The following OSBPL10 variants were observed in gnomAD, a reference collection of about 807,000 sequenced individuals.
OSBPL10 encodes the protein oxysterol-binding protein-related protein 10.
In OSBPL10, 49 loss-of-function variants were observed where a neutral mutation model predicts 81.7. That is an observed-to-expected ratio of 0.60 (90% CI 0.48 to 0.76). OSBPL10 has a LOEUF of 0.76. Among genes scored for constraint, OSBPL10 ranks in the 30% least tolerant of loss-of-function variants. OSBPL10 has a pLI of 0.00. For missense variants in OSBPL10, 923 were observed against 987.8 expected (o/e 0.93, Z 0.88); for synonymous variants, 419 against 383.6 (o/e 1.09, Z -1.08).
chr3:31,806,186 A>C (rs1471676218), intron 4 of OSBPL10, among the ~76,000 whole-genome samples: 1 of 152,134 alleles, frequency 6.6e-6, no homozygotes, highest in Admixed American at 6.5e-5. Context: ...GCAGGGAAGG[A>C]GGACCCGAGA....
At chr3:31,723,472 A>G (rs897604614) in intron 6 of OSBPL10, among the ~76,000 whole-genome samples, 1 of 152,050 alleles carries the variant, frequency 6.6e-6, no homozygotes, top group African/African-American at 2.4e-5. Flanking sequence ...TCCTACATCC[A>G]TAAGATCTGA....
chr3:31,749,361 T>A (rs539399746), intron 4 of OSBPL10, among the ~76,000 whole-genome samples: 1 of 152,224 alleles, frequency 6.6e-6, no homozygotes, highest in African/African-American at 2.4e-5. Context: ...TCCACAGATG[T>A]GGTTTGAGCG....
At chr3:32,040,395 A>G (rs1020304234) in intron 2 of OSBPL10, among the ~76,000 whole-genome samples, 7 of 152,130 alleles carry the variant, frequency 4.6e-5, no homozygotes, top group African/African-American at 1.7e-4. Flanking sequence ...CGACAGAGCA[A>G]GACCCCATCT....
chr3:31,924,577 T>G (rs537320074), intron 1 of OSBPL10, among the ~76,000 whole-genome samples: 1 of 152,300 alleles, frequency 6.6e-6, no homozygotes, highest in Non-Finnish European at 1.5e-5. Flanking sequence ...ATCAGCATAA[T>G]TTGGTCCATT....
chr3:31,981,113 G>T lies in OSBPL10; in HGVS notation c.67C>A (p.Arg23Ser). Residue 23 changes from arginine to serine, a missense_variant, in exon 1 of 12, where the codon CGT becomes AGT. Arg to Ser is a moderately radical substitution (Grantham distance 110, BLOSUM62 -1). This residue lies in a region of OSBPL10 where 514 missense variants were observed against 508.0 expected (regional missense o/e 1.01). Transcript: ENST00000396556. This position sits in a 1 kb window ranked among gnomAD's most constrained non-coding sequence, Gnocchi z 4.5. ...GSNSSSRSSS[R>S]ATSAGSSPSC... ...GGCGAGGAGCCCGCCGAGGTAGCAC[G>T]GCTGCTGCTGCGGCTGCTGCTGTTG... The T allele has an allele frequency of 6.7e-7, 1 of 1,493,236 alleles. No individual in the cohort carries two copies. Among genetic ancestry groups the T allele is most frequent in the African/African-American group, 1.5e-5 (1 of 68,458 alleles). 92.5% of individuals were successfully genotyped at this position (1,493,236 alleles called of 1,614,324 possible).
At chr3:31,733,118 G>T (rs1410070370) in intron 6 of OSBPL10, 139 bp downstream of exon 6, 2 of 1,200,188 alleles carry the variant, frequency 1.7e-6, no homozygotes, top group Non-Finnish European at 2.3e-6. Flanking sequence ...AGCTGATTTT[G>T]TCTCTCCAGG....
At chr3:31,755,456 G>C (rs1380961387) in intron 4 of OSBPL10, among the ~76,000 whole-genome samples, 1 of 152,290 alleles carries the variant, frequency 6.6e-6, no homozygotes. Flanking sequence ...TGGCAGAAGA[G>C]ATGCATTCAT....
chr3:31,732,061 A>G (rs1474112421), intron 6 of OSBPL10, among the ~76,000 whole-genome samples: 1 of 152,218 alleles, frequency 6.6e-6, no homozygotes, highest in African/African-American at 2.4e-5. Context: ...AAGGATCTAA[A>G]AAATGATTAC....
At position 31,671,125 on chromosome 3, in the gene OSBPL10, C is replaced by T. The variant is rs572080178; in HGVS notation, c.1727-142G>A. 216 of 782,676 alleles carry T rather than the reference C, an allele frequency of 2.8e-4. 2 individuals carry two copies. The South Asian group carries it at 3.5e-3, about 13-fold the overall frequency. The allele number at this position is 782,676 out of a possible 1,614,324, so 48.5% of individuals were successfully genotyped here. A position where few individuals can be genotyped will look rare whatever the true frequency, so the allele number is the denominator to read the frequency against. On this transcript the variant is annotated intron_variant, in intron 8 of 11. Coordinates refer to ENST00000396556, the MANE Select transcript of OSBPL10 (RefSeq NM_017784.5). Reference sequence around the variant, plus strand: ...CCTCTGCAGAGGTGAGCTGCTCGTTCACTGTGGGCTCTACTGTGTGCAAGG... The same window carrying T: ...CCTCTGCAGAGGTGAGCTGCTCGTTTACTGTGGGCTCTACTGTGTGCAAGG...
chr3:31,842,499 A>G (rs1700524119), intron 3 of OSBPL10, among the ~76,000 whole-genome samples: 1 of 152,200 alleles, frequency 6.6e-6, no homozygotes, highest in Non-Finnish European at 1.5e-5. Context: ...AGGAAATGCA[A>G]AAGAAAAGTT....
chr3:31,828,752 C>T (rs895974845), intron 4 of OSBPL10, among the ~76,000 whole-genome samples: 27 of 152,112 alleles, frequency 1.8e-4, no homozygotes, highest in Admixed American at 1.7e-3. Context: ...AGGCTGCTCT[C>T]GAACTCCTGA....
chr3:31,992,857 C>T (rs892198023), intron 2 of OSBPL10, among the ~76,000 whole-genome samples: 1 of 152,096 alleles, frequency 6.6e-6, no homozygotes, highest in Non-Finnish European at 1.5e-5. Context: ...AAAATATTAG[C>T]TGGGTGTGGA....
chr3:32,026,126 A>G (rs1260544281), intron 2 of OSBPL10, among the ~76,000 whole-genome samples: 1 of 151,858 alleles, frequency 6.6e-6, no homozygotes, highest in Non-Finnish European at 1.5e-5. Flanking sequence ...AGAGACAGAG[A>G]TAGAGATAGA....
intron 8 of OSBPL10, among the ~76,000 whole-genome samples, chr3:31,673,005 C>T (rs1168141044): frequency 6.6e-6 from 1 of 152,146 alleles, no homozygotes; most frequent in African/African-American, 2.4e-5. Flanking sequence ...AGAGATGGGC[C>T]TTCTCCCCTC....
chr3:31,965,667 T>TTATATATTATATAA (rs1698346491), intron 1 of OSBPL10, among the ~76,000 whole-genome samples: 2 of 33,890 alleles, frequency 5.9e-5, no homozygotes, highest in Non-Finnish European at 1.0e-4. Context: ...ATATTATATA[T>TTATATATTATATAA]TTTATATAAT....
At chr3:31,716,747 ATTC>A (rs1696453122) in intron 6 of OSBPL10, among the ~76,000 whole-genome samples, 1 of 152,218 alleles carries the variant, frequency 6.6e-6, no homozygotes, top group African/African-American at 2.4e-5. Context: ...AGAAAATTAT[ATTC>A]TTCAACATTA....
intron 1 of OSBPL10, among the ~76,000 whole-genome samples, chr3:31,963,334 CTTAAA>C (rs1698223236): frequency 6.6e-6 from 1 of 152,000 alleles, no homozygotes; most frequent in South Asian, 2.1e-4. Flanking sequence ...TCCCTTTATT[CTTAAA>C]TATTTCATAT....
intron 3 of OSBPL10, among the ~76,000 whole-genome samples, chr3:31,842,799 T>C (rs1023278632): frequency 2.6e-5 from 4 of 152,206 alleles, no homozygotes; most frequent in African/African-American, 9.6e-5. Context: ...TCAACTGGCC[T>C]AATTCCATCA....
chr3:31,663,509 C>T (rs1166962356), intron 11 of OSBPL10: 1 of 997,678 alleles, frequency 1.0e-6, no homozygotes, highest in Non-Finnish European at 1.2e-6. Flanking sequence ...GCCCTGCCCA[C>T]TTGCCCAGAT....
Sources: gnomAD v4.1 joint callset for allele counts (sites outside exome capture counted in the v4.1 genomes callset) on GRCh38, gnomAD v4.1.1 for gene constraint, gnomAD v4.1.1 regional missense constraint, Gnocchi (gnomAD v3.1) non-coding constraint, MANE v1.5 for transcripts, NCBI Gene and HGNC (gene_info 2026-07-23, HGNC 2026-07-21) for gene names.